TNRC18: variants seen among roughly 807,000 people sequenced by gnomAD.
TNRC18 encodes trinucleotide repeat containing 18, also known as trinucleotide repeat-containing gene 18 protein.
In TNRC18, 69 loss-of-function variants were observed where a neutral mutation model predicts 226.7. That is an observed-to-expected ratio of 0.30 (90% CI 0.25 to 0.37). The LOEUF is 0.37. TNRC18 is among the 10% of genes least tolerant of loss of function. The pLI, the probability that TNRC18 is intolerant of heterozygous loss-of-function variation, is 1.00. For synonymous variants in TNRC18, 2,449 were observed against 1,927.6 expected, an observed-to-expected ratio of 1.27 and a Z score of -7.09; for missense variants, 4,754 against 4,256.6, an observed-to-expected ratio of 1.12 and a Z score of -3.25.
Position 5,309,399 on chromosome 7 carries a change from C to T in TNRC18, c.8389-31G>A. 1 of 1,568,850 alleles carries T rather than the reference C, an allele frequency of 6.4e-7. No homozygotes were observed. The highest frequency in any genetic ancestry group is 1.2e-5 in the South Asian group (1 of 85,396). On this transcript the variant is annotated intron_variant, in intron 27 of 29. Coordinates refer to ENST00000430969, the MANE Select transcript of TNRC18 (RefSeq NM_001080495.3). The surrounding 1 kb of genome is among the most constrained non-coding windows in gnomAD (Gnocchi z 5.7). ...AGGACACGTGTGTCACGGCACAGGC[C>T]CTGGCCCAGCCCCAAGGAGCCCGCC...
At chr7:5,418,231 C>T (rs1019007402) in intron 2 of TNRC18, among the ~76,000 whole-genome samples, 1 of 152,208 alleles carries the variant, frequency 6.6e-6, no homozygotes, top group African/African-American at 2.4e-5. Context: ...TGCCCATCTC[C>T]CAGATCAGGC....
chr7:5,353,976 G>T (rs545269418), intron 16 of TNRC18, among the ~76,000 whole-genome samples: 19 of 152,204 alleles, frequency 1.2e-4, no homozygotes, highest in African/African-American at 4.1e-4. Flanking sequence ...GCCGAGGCAG[G>T]CGGATCACCT....
chr7:5,310,561 G>A (rs552068158), intron 27 of TNRC18, among the ~76,000 whole-genome samples: 1 of 151,790 alleles, frequency 6.6e-6, no homozygotes, highest in African/African-American at 2.4e-5. Context: ...TCAAGACAAG[G>A]TCTCACACTA....
Position 5,370,655 on chromosome 7 carries a change from G to C in TNRC18, c.3939C>G (p.Ala1313=). 6.2e-7 allele frequency: 1 copy of C among 1,612,802 alleles called. No individual in the cohort carries two copies. Among genetic ancestry groups the C allele is most frequent in the Non-Finnish European group, 8.5e-7 (1 of 1,179,730 alleles). The change falls in exon 11 of 30, where the codon GCC becomes GCG. Residue 1313 remains alanine (A), a synonymous_variant. Coordinates refer to ENST00000430969, the MANE Select transcript of TNRC18 (RefSeq NM_001080495.3). ...GQCPSLEPQE[A]VPVLGSTCFL... ...AGCAGGTGCTGCCGAGTACAGGCAC[G>C]GCCTCTTGGGGCTCCAGGCTCGGGC...
intron 17 of TNRC18, among the ~76,000 whole-genome samples, chr7:5,350,256 G>A (rs964853402): frequency 1.3e-5 from 2 of 152,056 alleles, no homozygotes; most frequent in Non-Finnish European, 2.9e-5. Flanking sequence ...TTCTCGGTCC[G>A]GGGTGGTGTT....
At position 5,345,737 on chromosome 7, in the gene TNRC18, C is replaced by T. The variant is rs1479673912; in HGVS notation, c.5544G>A (p.Arg1848=). Residue 1848 remains arginine, a synonymous_variant, in exon 18 of 30, where the codon AGG becomes AGA. Coordinates refer to ENST00000430969, the MANE Select transcript of TNRC18 (RefSeq NM_001080495.3). ...ACAGGGCCCGCTCCCGGGCACCCAG[C>T]CTGTAGCCACCACCGCTGGCCTCGT... ...EEDEASGGGY[R]LGARERALSP... 5.8e-6 allele frequency: 9 copies of T among 1,548,570 alleles called. No homozygotes were observed. In the Admixed American group the frequency reaches 5.9e-5, roughly 10 times the overall value.
chr7:5,340,961 G>A lies in TNRC18; in HGVS notation c.5719+4601C>T, dbSNP rs118186625. Among the ~76,000 whole-genome samples the A allele has an allele frequency of 6.6e-3, 999 of 152,278 alleles. 5 individuals are homozygous for A. The highest frequency in any genetic ancestry group is 0.011 in the Non-Finnish European group (775 of 68,012). On this transcript the variant is annotated intron_variant, in intron 18 of 29. Transcript: ENST00000430969. The stretch of plus-strand genomic sequence containing the variant: ...AGGCTATCATAGCTAGAGAGGAGAA[G>A]TCAGTGCCTGGTTTAAAAGCTTCAA...
chr7:5,309,338 G>T lies in TNRC18; in HGVS notation c.8419C>A (p.Leu2807Ile), dbSNP rs1483654551. ...RRGMKGKARK[L>I]FYKAIVRGKE... ...CCGCGCACGATGGCCTTGTAGAAGA[G>T]CTTGCGGGCCTTGCCCTTCATGCCA... Residue 2807 changes from leucine to isoleucine, a missense_variant, in exon 28 of 30, where the codon CTC becomes ATC. Transcript: ENST00000430969. The surrounding 1 kb of genome is among the most constrained non-coding windows in gnomAD (Gnocchi z 5.7). 6.2e-7 allele frequency: 1 copy of T among 1,613,556 alleles called. No individual in the cohort carries two copies. The highest frequency in any genetic ancestry group is 1.7e-5 in the Admixed American group (1 of 59,970).
chr7:5,412,020 C>T (rs989932877), intron 2 of TNRC18, among the ~76,000 whole-genome samples: 16 of 151,716 alleles, frequency 1.1e-4, no homozygotes, highest in African/African-American at 3.6e-4. Context: ...GACCCCATGT[C>T]TAAAAAAAAT....
rs1251249860 is a variant in TNRC18 at position 5,320,393 on chromosome 7, A to G, written c.6670T>C (p.Leu2224=). 6.4e-7 allele frequency: 1 copy of G among 1,562,452 alleles called. No homozygotes were observed. The highest frequency in any genetic ancestry group is 2.4e-5 in the East Asian group (1 of 41,958). The change falls in exon 24 of 30, where the codon TTG becomes CTG. Residue 2224 remains leucine, a synonymous_variant. Transcript: ENST00000430969. ...GCTGCAATCCTGGTCCCTTGTGGCA[A>G]GAAGCGAGTGGAGGCTGGCCTCACA... The part of the protein sequence containing the change: ...IDVRPASTRF[L]PQGTRIAAYW...
chr7:5,344,732 C>CA (rs1790997197), intron 18 of TNRC18, among the ~76,000 whole-genome samples: 1 of 152,162 alleles, frequency 6.6e-6, no homozygotes, highest in African/African-American at 2.4e-5. Context: ...CAGGGGAACT[C>CA]AGAGCCTGAA....
At chr7:5,365,381 G>T (rs1793509685) in intron 11 of TNRC18, among the ~76,000 whole-genome samples, 1 of 152,128 alleles carries the variant, frequency 6.6e-6, no homozygotes, top group Non-Finnish European at 1.5e-5. Context: ...CCAAAGTGCT[G>T]AGATTACAGG....
intron 1 of TNRC18, 40 bp from the exon 2 acceptor site, chr7:5,421,529 G>A (rs1461645818): frequency 6.6e-6 from 1 of 152,060 alleles, no homozygotes; most frequent in African/African-American, 2.4e-5. Context: ...AAATAGAAAG[G>A]GGGAAAGAAA....
rs1392501618 is a variant in TNRC18, at chr7:5,312,757, G to A, written c.8134C>T (p.Pro2712Ser). The change falls in exon 27 of 30, where the codon CCC (proline) becomes TCC (serine). Residue 2712 changes from proline to serine, a missense_variant. Pro to Ser is a moderately conservative substitution (Grantham distance 74). Coordinates refer to ENST00000430969, the MANE Select transcript of TNRC18 (RefSeq NM_001080495.3). This position sits in a 1 kb window ranked among gnomAD's most constrained non-coding sequence, Gnocchi z 6.3. ...TTCTTGCCTGGGGAGTGGGCCGAGGGCCGCGCCTTGCCGGCCTGCTTGGTG... is the reference window on the plus strand; with the variant it reads ...TTCTTGCCTGGGGAGTGGGCCGAGGACCGCGCCTTGCCGGCCTGCTTGGTG... ...KATKQAGKAR[P>S]SAHSPGKKTP... 3.3e-6 allele frequency: 5 copies of A among 1,533,614 alleles called. No individual in the cohort carries two copies. Among genetic ancestry groups the A allele is most frequent in the Admixed American group, 4.2e-5 (2 of 47,338 alleles).
At chr7:5,350,382 G>A (rs6943596) in intron 17 of TNRC18, among the ~76,000 whole-genome samples, 2 of 151,160 alleles carry the variant, frequency 1.3e-5, no homozygotes, top group Non-Finnish European at 2.9e-5. Flanking sequence ...GGGAGGTCTG[G>A]GAGGGGAGGC....
At chr7:5,321,999 G>C (rs918490858) in intron 21 of TNRC18, among the ~76,000 whole-genome samples, 8 of 151,532 alleles carry the variant, frequency 5.3e-5, no homozygotes, top group African/African-American at 9.7e-5. Flanking sequence ...ATTTTTTCAA[G>C]CCAGGCGCGA....
intron 26 of TNRC18, 119 bp downstream of exon 26, chr7:5,314,865 A>AC: frequency 8.6e-7 from 1 of 1,157,394 alleles, no homozygotes; most frequent in East Asian, 2.6e-5. Flanking sequence ...GAGGCACTGC[A>AC]CCCGGCTCAG....
chr7:5,345,942 G>A (rs1791144623), intron 17 of TNRC18, 132 bp from the exon 18 acceptor site: 24 of 1,310,666 alleles, frequency 1.8e-5, no homozygotes, highest in Non-Finnish European at 2.4e-5. Context: ...GCCGCTGGGG[G>A]TGGATGCAGA....
At chr7:5,380,594 C>T (rs1779332388) in intron 5 of TNRC18, among the ~76,000 whole-genome samples, 1 of 152,170 alleles carries the variant, frequency 6.6e-6, no homozygotes, top group Admixed American at 6.5e-5. Flanking sequence ...TTGACGAGGG[C>T]GCCTGGACAC....
Sources: allele counts gnomAD v4.1 joint callset (sites outside exome capture counted in the v4.1 genomes callset), GRCh38; gene constraint gnomAD v4.1.1; non-coding constraint Gnocchi (gnomAD v3.1); transcripts MANE v1.5; gene names NCBI Gene and HGNC (gene_info 2026-07-23, HGNC 2026-07-21).